The following WDR72 variants were observed in gnomAD, a reference collection of about 807,000 sequenced individuals.
The protein encoded by WDR72 is WD repeat domain 72, also known as WD repeat-containing protein 72.
In WDR72, 120 loss-of-function variants were observed where a neutral mutation model predicts 124.2. The ratio of observed to expected loss-of-function variants is 0.97; its 90% CI spans 0.83 to 1.12. The LOEUF is 1.12. WDR72 is among the 50% of genes most tolerant of loss of function. The pLI is 0.00. For synonymous variants in WDR72, 452 were observed against 441.7 expected (o/e 1.02, Z -0.29); for missense variants, 1,387 against 1,278.8 (o/e 1.08, Z -1.29).
intron 11 of WDR72, among the ~76,000 whole-genome samples, chr15:53,702,653 G>A (rs1369224417): frequency 1.3e-5 from 2 of 152,092 alleles, no homozygotes; most frequent in East Asian, 1.9e-4. Context: ...TGGGCAGATC[G>A]CTTGAGGTCA....
chr15:53,687,460 A>C (rs1419266163), intron 13 of WDR72, among the ~76,000 whole-genome samples: 1 of 151,562 alleles, frequency 6.6e-6, no homozygotes, highest in African/African-American at 2.4e-5. Flanking sequence ...TAGAAAATCT[A>C]GAAGAAATGG....
chr15:53,621,860 T>G (rs1409590423), intron 14 of WDR72, among the ~76,000 whole-genome samples: 1 of 152,084 alleles, frequency 6.6e-6, no homozygotes, highest in Admixed American at 6.6e-5. Context: ...GAGAAAGTTT[T>G]TGCAATCTAT....
At chr15:53,541,402 A>G (rs542709715) in intron 18 of WDR72, among the ~76,000 whole-genome samples, 363 of 151,684 alleles carry the variant, frequency 2.4e-3, no homozygotes, top group South Asian at 4.8e-3. Context: ...TCACAAGGCA[A>G]GGTATTCCAA....
intron 13 of WDR72, among the ~76,000 whole-genome samples, chr15:53,670,297 A>G (rs2015941442): frequency 6.6e-6 from 1 of 152,250 alleles, no homozygotes; most frequent in African/African-American, 2.4e-5. Context: ...TGAAGGAAAG[A>G]TCAGTTTCCA....
intron 14 of WDR72, among the ~76,000 whole-genome samples, chr15:53,619,264 T>TTGTGTGTGTGTG (rs3081256): frequency 2.6e-4 from 38 of 147,500 alleles, no homozygotes; most frequent in South Asian, 1.7e-3. Context: ...TGCTTTATAA[T>TTGTGTGTGTGTG]TGTGTGTGTG....
chr15:53,689,528 A>G (rs1331954732), intron 13 of WDR72, among the ~76,000 whole-genome samples: 1 of 148,840 alleles, frequency 6.7e-6, no homozygotes, highest in South Asian at 2.2e-4. Flanking sequence ...ACCATCTCAC[A>G]CCAGTTAGAA....
chr15:53,731,263 A>C (rs1191090042), intron 2 of WDR72, among the ~76,000 whole-genome samples: 2 of 151,702 alleles, frequency 1.3e-5, no homozygotes, highest in Non-Finnish European at 2.9e-5. Context: ...ATCCTTTTTC[A>C]CACCTAGGTT....
chr15:53,752,276 G>A (rs543409445), intron 1 of WDR72, among the ~76,000 whole-genome samples: 32 of 152,230 alleles, frequency 2.1e-4, no homozygotes, highest in African/African-American at 7.5e-4. Context: ...ATATGTTGAA[G>A]CCCTAACTCG....
intron 18 of WDR72, among the ~76,000 whole-genome samples, chr15:53,554,327 T>C (rs1310627065): frequency 3.3e-5 from 5 of 151,842 alleles, no homozygotes; most frequent in African/African-American, 4.8e-5. Flanking sequence ...TTACCATAAA[T>C]TGGAAAAAAA....
chr15:53,557,294 A>T (rs549930790), intron 18 of WDR72, among the ~76,000 whole-genome samples: 1 of 152,162 alleles, frequency 6.6e-6, no homozygotes, highest in African/African-American at 2.4e-5. Context: ...CATTTATTAA[A>T]TTTCCCTGAA....
At chr15:53,633,081 G>A (rs1000929223) in intron 14 of WDR72, among the ~76,000 whole-genome samples, 9 of 152,178 alleles carry the variant, frequency 5.9e-5, no homozygotes, top group Non-Finnish European at 1.0e-4. Flanking sequence ...GGGGCCAGAG[G>A]TGGAATGATA....
chr15:53,611,582 G>T (rs185270293), intron 16 of WDR72, among the ~76,000 whole-genome samples: 2 of 152,136 alleles, frequency 1.3e-5, no homozygotes, highest in East Asian at 3.9e-4. Context: ...CCCAGACTGG[G>T]GCTATTTAGA....
intron 18 of WDR72, among the ~76,000 whole-genome samples, chr15:53,589,859 G>A (rs2140328982): frequency 6.6e-6 from 1 of 152,116 alleles, no homozygotes; most frequent in African/African-American, 2.4e-5. Context: ...GAAAAGAGCA[G>A]TGAACTCTTA....
intron 2 of WDR72, among the ~76,000 whole-genome samples, chr15:53,727,137 C>T (rs1016372521): frequency 6.7e-6 from 1 of 150,152 alleles, no homozygotes. Flanking sequence ...CATAGTGAAA[C>T]CCCATGTCTA....
chr15:53,619,361 GT>G, intron 14 of WDR72, among the ~76,000 whole-genome samples: 1 of 151,494 alleles, frequency 6.6e-6, no homozygotes, highest in South Asian at 2.1e-4. Flanking sequence ...GAGGATTTTA[GT>G]TTGTGAATAC....
chr15:53,588,521 T>C (rs1004695347), intron 18 of WDR72, among the ~76,000 whole-genome samples: 1 of 151,984 alleles, frequency 6.6e-6, no homozygotes, highest in South Asian at 2.1e-4. Context: ...ATTGGGCAGA[T>C]AAATTGAAGA....
At chr15:53,684,307 C>T (rs11070996) in intron 13 of WDR72, 47,705 of 155,796 alleles carry the variant, frequency 0.31, 7,622 homozygotes, top group Admixed American at 0.34. Flanking sequence ...CCGGGTTCAT[C>T]TCACTAGGGA....
chr15:53,628,634 A>C (rs2014302501), intron 14 of WDR72, among the ~76,000 whole-genome samples: 1 of 152,188 alleles, frequency 6.6e-6, no homozygotes, highest in African/African-American at 2.4e-5. Flanking sequence ...ATACAAAAAG[A>C]AATTACAGTA....
chr15:53,696,814 C>T (rs950780097), intron 13 of WDR72, among the ~76,000 whole-genome samples: 1 of 152,118 alleles, frequency 6.6e-6, no homozygotes, highest in Admixed American at 6.5e-5. Context: ...AAAGGCAATA[C>T]CCAACACGAG....
Sources: gnomAD v4.1 joint callset for allele counts (sites outside exome capture counted in the v4.1 genomes callset) on GRCh38, gnomAD v4.1.1 for gene constraint, MANE v1.5 for transcripts, NCBI Gene and HGNC (gene_info 2026-07-23, HGNC 2026-07-21) for gene names.